PGLYRP2: variants seen among roughly 807,000 people sequenced by gnomAD.
The protein encoded by PGLYRP2 is peptidoglycan recognition protein 2.
Under a neutral mutation model 46.2 loss-of-function variants are expected in PGLYRP2, and 38 were observed. The observed-to-expected ratio is 0.82, with a 90% CI of 0.64 to 1.08. PGLYRP2 has a LOEUF of 1.08. Ranked by LOEUF, PGLYRP2 falls within the 50% of genes least tolerant of loss-of-function variation. The pLI, the probability that PGLYRP2 is intolerant of heterozygous loss-of-function variation, is 0.00. For synonymous variants in PGLYRP2, 289 were observed against 329.4 expected (o/e 0.88, Z 1.33); for missense variants, 713 against 755.9 (o/e 0.94, Z 0.67).
chr19:15,472,984 G>A (rs1348839002), intron 2 of PGLYRP2, among the ~76,000 whole-genome samples: 1 of 152,038 alleles, frequency 6.6e-6, no homozygotes, highest in African/African-American at 2.4e-5. Flanking sequence ...TAGACACATA[G>A]ACCAATGGAA....
Position 15,469,887 on chromosome 19 carries a change from G to A in PGLYRP2, c.1386C>T (p.Gly462=). 6.8e-7 allele frequency: 1 copy of A among 1,478,304 alleles called. No homozygotes were observed. Among genetic ancestry groups the A allele is most frequent in the Non-Finnish European group, 8.9e-7 (1 of 1,124,000 alleles). The allele number at this position is 1,478,304 out of a possible 1,614,324, so 91.6% of individuals were successfully genotyped here. Residue 462 remains glycine (G), a synonymous_variant, in exon 4 of 5, where the codon GGC becomes GGT. Transcript: ENST00000340880. This position sits in a 1 kb window ranked among gnomAD's most constrained non-coding sequence, Gnocchi z 4.9. ...GCGTGTGGGCGCCCACCCAGTGCCA[G>A]CCGCGTCCCTCGTACACGTAGCCGT... is the stretch of plus-strand genomic sequence containing the variant. ...GSDGYVYEGR[G]WHWVGAHTLG...
chr19:15,469,812 G>C lies in PGLYRP2; in HGVS notation c.1461C>G (p.Thr487=), dbSNP rs747516132. The C allele has an allele frequency of 7.2e-6, 11 of 1,524,354 alleles. No individual in the cohort carries two copies. The South Asian group carries it at 1.3e-4, about 19-fold the overall frequency. The allele number at this position is 1,524,354 out of a possible 1,614,324, so 94.4% of individuals were successfully genotyped here. A position where few individuals can be genotyped will look rare whatever the true frequency, so the allele number is the denominator to read the frequency against. ...GFGVAIVGNY[T]AALPTEAALR... is the part of the protein sequence containing the mutation. ...GAGCGGCCTCGGTGGGCAGCGCCGC[G>C]GTGTAGTTGCCCACTATGGCCACGC... Residue 487 remains threonine, a synonymous_variant, in exon 4 of 5, where the codon ACC becomes ACG. Transcript: ENST00000340880. This position sits in a 1 kb window ranked among gnomAD's most constrained non-coding sequence, Gnocchi z 4.9.
Position 15,475,748 on chromosome 19 carries a change from C to A in PGLYRP2, c.922G>T (p.Val308Leu). Residue 308 changes from valine (V) to leucine (L), a missense_variant, in exon 2 of 5, where the codon GTG becomes TTG. Physicochemically the swap from Val to Leu is conservative, Grantham distance 32 (BLOSUM62 1). Coordinates refer to ENST00000340880, the MANE Select transcript of PGLYRP2 (RefSeq NM_052890.4). Reference sequence around the variant, plus strand: ...CTGCGGAACCCTGGGTCTCTGGCCACCCCAGCCCCATAGTACTGGCTCAGC... The same window carrying A: ...CTGCGGAACCCTGGGTCTCTGGCCAACCCAGCCCCATAGTACTGGCTCAGC... ...HLLSQYYGAG[V>L]ARDPGFRSNF... is the part of the protein sequence containing the mutation. The A allele has an allele frequency of 6.2e-7, 1 of 1,614,020 alleles. No homozygotes were observed. The highest frequency in any genetic ancestry group is 1.3e-5 in the African/African-American group (1 of 75,056).
chr19:15,469,966 T>G lies in PGLYRP2; in HGVS notation c.1344-37A>C, dbSNP rs533794960. 77 of 1,384,248 alleles carry G rather than the reference T, an allele frequency of 5.6e-5. No individual in the cohort carries two copies. The African/African-American group carries it at 1.1e-3, about 20-fold the overall frequency. The allele number at this position is 1,384,248 out of a possible 1,614,324, so 85.7% of individuals were successfully genotyped here. On this transcript the variant is annotated intron_variant, in intron 3 of 4. Transcript: ENST00000340880. The surrounding 1 kb of genome is among the most constrained non-coding windows in gnomAD (Gnocchi z 4.9). The stretch of plus-strand genomic sequence containing the variant: ...AGGGAGAAGCAAGCACCATGCGGCG[T>G]GAGGGGGACCCGGGCCCTTATCCGC...
Position 15,476,252 on chromosome 19 carries a change from A to T in PGLYRP2, c.418T>A (p.Leu140Met). Residue 140 changes from leucine to methionine, a missense_variant, in exon 2 of 5, where the codon TTG (leucine) becomes ATG (methionine). Leu to Met is a conservative substitution (Grantham distance 15). Coordinates refer to ENST00000340880, the MANE Select transcript of PGLYRP2 (RefSeq NM_052890.4). ...AGLQGRRVIN[L>M]PLDSMAAPWE... Reference sequence around the variant, plus strand: ...GGGGCAGCCATGCTGTCCAAGGGCAAATTTATGACCCTGCGCCCTTGCAGC... The same window carrying T: ...GGGGCAGCCATGCTGTCCAAGGGCATATTTATGACCCTGCGCCCTTGCAGC... 6.2e-7 allele frequency: 1 copy of T among 1,614,130 alleles called. No homozygotes were observed. The highest frequency in any genetic ancestry group is 8.5e-7 in the Non-Finnish European group (1 of 1,180,014).
At chr19:15,471,862 G>A in intron 3 of PGLYRP2, 28 bp downstream of exon 3, 3 of 1,549,046 alleles carry the variant, frequency 1.9e-6, no homozygotes, top group Non-Finnish European at 1.8e-6. Flanking sequence ...CGTGGGCCCC[G>A]CCCCCTCCCC....
In PGLYRP2 at chr19:15,469,014, C is replaced by T. The variant is rs1351853693; in HGVS notation, c.1642-262G>A. ...TGGCGATCAAGGGCTGGGATGAGGT[C>T]ATCAGGTCAAAGTTGTGCTGGCATA... On this transcript the variant is annotated intron_variant, in intron 4 of 4. Transcript: ENST00000340880. This position sits in a 1 kb window ranked among gnomAD's most constrained non-coding sequence, Gnocchi z 4.9. The T allele has an allele frequency of 3.9e-6, 2 of 508,926 alleles. No individual in the cohort carries two copies. The highest frequency in any genetic ancestry group is 6.5e-5 in the East Asian group (2 of 30,564). 31.5% of individuals were successfully genotyped at this position (508,926 alleles called of 1,614,324 possible). A position where few individuals can be genotyped will look rare whatever the true frequency, so the allele number is the denominator to read the frequency against.
chr19:15,472,046 C>A lies in PGLYRP2; in HGVS notation c.1187G>T (p.Arg396Leu). 6.2e-7 allele frequency: 1 copy of A among 1,610,874 alleles called. No homozygotes were observed. The highest frequency in any genetic ancestry group is 8.5e-7 in the Non-Finnish European group (1 of 1,179,902). The part of the protein sequence containing the change: ...CRWGAAPYRG[R>L]PKLLQLPLGF... ...CAGCGGCAGCTGCAGCAGCTTCGGG[C>A]GGCCCCGATAAGGCGCCGCTCCCCA... Residue 396 changes from arginine (R) to leucine (L), a missense_variant, in exon 3 of 5, where the codon CGC (arginine) becomes CTC (leucine). Physicochemically the swap from Arg to Leu is moderately radical, Grantham distance 102 (BLOSUM62 -2). Coordinates refer to ENST00000340880, the MANE Select transcript of PGLYRP2 (RefSeq NM_052890.4).
intron 3 of PGLYRP2, among the ~76,000 whole-genome samples, chr19:15,471,258 A>G (rs1286219785): frequency 1.3e-5 from 2 of 151,534 alleles, no homozygotes; most frequent in Non-Finnish European, 2.9e-5. Context: ...GACTACAGGC[A>G]CCCGCCATCA....
At position 15,469,737 on chromosome 19, in the gene PGLYRP2, G is replaced by C; in HGVS notation, c.1536C>G (p.Leu512=). 6.7e-7 allele frequency: 1 copy of C among 1,489,674 alleles called. No individual in the cohort carries two copies. Among genetic ancestry groups the C allele is most frequent in the Non-Finnish European group, 8.9e-7 (1 of 1,126,998 alleles). The allele number at this position is 1,489,674 out of a possible 1,614,324, so 92.3% of individuals were successfully genotyped here. A position where few individuals can be genotyped will look rare whatever the true frequency, so the allele number is the denominator to read the frequency against. ...TLPSCAVRAG[L]LRPDYALLGH... is the part of the protein sequence containing the mutation. ...CCAGCAGCGCGTAGTCTGGCCGCAG[G>C]AGGCCGGCGCGCACCGCACAACTCG... is the stretch of plus-strand genomic sequence containing the variant. The change falls in exon 4 of 5, where the codon CTC becomes CTG. Residue 512 remains leucine, a synonymous_variant. Transcript: ENST00000340880. The surrounding 1 kb of genome is among the most constrained non-coding windows in gnomAD (Gnocchi z 4.9).
At chr19:15,471,843 A>AT (rs774060551) in intron 3 of PGLYRP2, 47 bp downstream of exon 3, 2 of 1,589,184 alleles carry the variant, frequency 1.3e-6, no homozygotes, top group Admixed American at 1.7e-5. Flanking sequence ...CTCAGACCCC[A>AT]TCCCCGAACG....
In PGLYRP2 at chr19:15,469,642, T is replaced by G. The variant is rs775191884; in HGVS notation, c.1631A>C (p.His544Pro). The change falls in exon 4 of 5, where the codon CAC (histidine) becomes CCC (proline). Residue 544 changes from histidine to proline, a missense_variant. By Grantham distance (77) the His-to-Pro change is moderately conservative. Coordinates refer to ENST00000340880, the MANE Select transcript of PGLYRP2 (RefSeq NM_052890.4). This position sits in a 1 kb window ranked among gnomAD's most constrained non-coding sequence, Gnocchi z 4.9. ...ALFDLLRTWP[H>P]FTATVKPRPA... Reference sequence around the variant, plus strand: ...GCTGCGAAGACTCACCGCGGTGAAGTGCGGCCAGGTGCGCAGCAGGTCGAA... The same window carrying G: ...GCTGCGAAGACTCACCGCGGTGAAGGGCGGCCAGGTGCGCAGCAGGTCGAA... The G allele has an allele frequency of 1.3e-6, 2 of 1,570,070 alleles. No homozygotes were observed. Among genetic ancestry groups the G allele is most frequent in the Non-Finnish European group, 8.6e-7 (1 of 1,162,930 alleles).
At position 15,469,648 on chromosome 19, in the gene PGLYRP2, C is replaced by A; in HGVS notation, c.1625G>T (p.Trp542Leu). The A allele has an allele frequency of 6.4e-7, 1 of 1,570,220 alleles. No homozygotes were observed. The highest frequency in any genetic ancestry group is 1.7e-5 in the Admixed American group (1 of 57,284). ...AAGACTCACCGCGGTGAAGTGCGGC[C>A]AGGTGCGCAGCAGGTCGAAGAGCGC... ...GDALFDLLRT[W>L]PHFTATVKPR... The change falls in exon 4 of 5, where the codon TGG (tryptophan) becomes TTG (leucine). Residue 542 changes from tryptophan (W) to leucine (L), a missense_variant. Physicochemically the swap from Trp to Leu is moderately conservative, Grantham distance 61. Transcript: ENST00000340880. This position sits in a 1 kb window ranked among gnomAD's most constrained non-coding sequence, Gnocchi z 4.9.
Position 15,469,558 on chromosome 19 carries a change from G to A in PGLYRP2, c.1641+74C>T, listed in dbSNP as rs1315431209. On this transcript the variant is annotated intron_variant, in intron 4 of 4. Transcript: ENST00000340880. This position sits in a 1 kb window ranked among gnomAD's most constrained non-coding sequence, Gnocchi z 4.9. The stretch of plus-strand genomic sequence containing the variant: ...TGTGCGGGCACAGCTGTTACAGGCA[G>A]GGGGCAGGGGCCTCGTGGAGCTTGT... 1.3e-6 allele frequency: 2 copies of A among 1,531,790 alleles called. No homozygotes were observed. Among genetic ancestry groups the A allele is most frequent in the East Asian group, 2.4e-5 (1 of 41,312 alleles). The allele number at this position is 1,531,790 out of a possible 1,614,324, so 94.9% of individuals were successfully genotyped here. A position where few individuals can be genotyped will look rare whatever the true frequency, so the allele number is the denominator to read the frequency against.
rs1344045704 is a variant in PGLYRP2 at position 15,476,265 on chromosome 19, G to A, written c.405C>T (p.Arg135=). The A allele has an allele frequency of 6.2e-7, 1 of 1,614,044 alleles. No homozygotes were observed. The highest frequency in any genetic ancestry group is 8.5e-7 in the Non-Finnish European group (1 of 1,180,042). ...TGTCCAAGGGCAAATTTATGACCCT[G>A]CGCCCTTGCAGCCCTGCCTCCAGCC... The part of the protein sequence containing the change: ...LAGLEAGLQG[R]RVINLPLDSM... The change falls in exon 2 of 5, where the codon CGC becomes CGT. Residue 135 remains arginine, a synonymous_variant. Coordinates refer to ENST00000340880, the MANE Select transcript of PGLYRP2 (RefSeq NM_052890.4).
rs1050598065 is a variant in PGLYRP2 at position 15,471,998 on chromosome 19, G to C, written c.1235C>G (p.Thr412Ser). Reference protein sequence around the residue: ...LPLGFLYVHHTYVPAPPCTDF... With the variant: ...LPLGFLYVHHSYVPAPPCTDF... ...CGTGCAGGGTGGTGCAGGCACGTAG[G>C]TGTGATGCACGTACAAGAATCCCAG... is the stretch of plus-strand genomic sequence containing the variant. The change falls in exon 3 of 5, where the codon ACC (threonine) becomes AGC (serine). Residue 412 changes from threonine (T) to serine (S), a missense_variant. Coordinates refer to ENST00000340880, the MANE Select transcript of PGLYRP2 (RefSeq NM_052890.4). The C allele has an allele frequency of 6.2e-7, 1 of 1,613,854 alleles. No homozygotes were observed. Among genetic ancestry groups the C allele is most frequent in the Admixed American group, 1.7e-5 (1 of 60,030 alleles).
chr19:15,479,234 C>G, intron 1 of PGLYRP2, 77 bp downstream of exon 1: 1 of 1,485,514 alleles, frequency 6.7e-7, no homozygotes, highest in Non-Finnish European at 9.4e-7. Flanking sequence ...CCATGCAGGG[C>G]AAGACATAGA....
Position 15,469,446 on chromosome 19 carries a change from G to C in PGLYRP2, c.1641+186C>G. On this transcript the variant is annotated intron_variant, in intron 4 of 4. Coordinates refer to ENST00000340880, the MANE Select transcript of PGLYRP2 (RefSeq NM_052890.4). This position sits in a 1 kb window ranked among gnomAD's most constrained non-coding sequence, Gnocchi z 4.9. ...CATAGGCAGAAGTCACAGGATCAGG[G>C]ATGTTGCCCGCAGAGTGACCCGCAA... is the stretch of plus-strand genomic sequence containing the variant. The C allele has an allele frequency of 1.2e-6, 1 of 837,284 alleles. No individual in the cohort carries two copies. The highest frequency in any genetic ancestry group is 2.0e-5 in the Admixed American group (1 of 50,164). The allele number at this position is 837,284 out of a possible 1,614,324, so 51.9% of individuals were successfully genotyped here.
At chr19:15,477,589 T>A (rs1184200960) in intron 1 of PGLYRP2, among the ~76,000 whole-genome samples, 1 of 150,778 alleles carries the variant, frequency 6.6e-6, no homozygotes, top group East Asian at 1.9e-4. Context: ...CCCCAGCTAC[T>A]CAGGAGGCTG....
Sources: gnomAD v4.1 joint callset for allele counts (sites outside exome capture counted in the v4.1 genomes callset) on GRCh38, gnomAD v4.1.1 for gene constraint, Gnocchi (gnomAD v3.1) non-coding constraint, MANE v1.5 for transcripts, NCBI Gene and HGNC (gene_info 2026-07-23, HGNC 2026-07-21) for gene names.